The following ATXN7L1 variants were observed in gnomAD, a reference collection of about 807,000 sequenced individuals.
ATXN7L1 encodes the protein ataxin 7 like 1, also known as ataxin-7-like protein 1.
A neutral mutation model predicts 70.8 loss-of-function variants in ATXN7L1; 15 were observed. The ratio of observed to expected loss-of-function variants is 0.21; its 90% CI spans 0.14 to 0.33. The LOEUF is 0.33. Ranked by LOEUF, ATXN7L1 falls within the 10% of genes least tolerant of loss-of-function variation. The probability of loss-of-function intolerance (pLI) is 1.00; values close to 1 mark genes in which losing one functional copy is unlikely to be tolerated. For missense variants in ATXN7L1, 975 were observed against 1,097.1 expected (o/e 0.89, Z 1.57); for synonymous variants, 440 against 445.1 (o/e 0.99, Z 0.14).
intron 3 of ATXN7L1, among the ~76,000 whole-genome samples, chr7:105,775,478 C>T (rs1040203153): frequency 2.9e-4 from 44 of 152,144 alleles, no homozygotes; most frequent in African/African-American, 4.6e-4. Flanking sequence ...AGTAACTCTC[C>T]GTGATCCCAG....
intron 3 of ATXN7L1, among the ~76,000 whole-genome samples, chr7:105,787,065 A>ACCACCAG (rs11281996): frequency 4.0e-5 from 1 of 25,316 alleles, no homozygotes; most frequent in Non-Finnish European, 6.2e-5. Flanking sequence ...TGGTGGTACC[A>ACCACCAG]GCTGACAGTT....
intron 3 of ATXN7L1, among the ~76,000 whole-genome samples, chr7:105,699,026 G>C (rs996198581): frequency 6.6e-6 from 1 of 152,162 alleles, no homozygotes; most frequent in Non-Finnish European, 1.5e-5. Context: ...TCAAGTTAGG[G>C]AGAAGGCAGA....
intron 2 of ATXN7L1, among the ~76,000 whole-genome samples, chr7:105,834,205 G>C (rs1431107993): frequency 6.6e-6 from 1 of 152,116 alleles, no homozygotes; most frequent in African/African-American, 2.4e-5. Flanking sequence ...ACCACGCCTG[G>C]CTAATTTTGT....
chr7:105,638,602 G>A lies in ATXN7L1; in HGVS notation c.953C>T (p.Ser318Leu), dbSNP rs1483099833. 6.4e-7 allele frequency: 1 copy of A among 1,551,280 alleles called. No homozygotes were observed. The highest frequency in any genetic ancestry group is 2.4e-5 in the East Asian group (1 of 40,922). Residue 318 changes from serine to leucine, a missense_variant, in exon 7 of 12, where the codon TCG becomes TTG. Physicochemically the swap from Ser to Leu is moderately radical, Grantham distance 145. Around this residue, in one of 5 missense-constraint regions of ATXN7L1, gnomAD observed 6 missense variants for 24.7 expected, o/e 0.24. Transcript: ENST00000419735. ...CTRSLTCKTH[S>L]LSHRRAVPGR... is the part of the protein sequence containing the mutation. ...TGGGACTGCCCTCCGATGGCTTAGC[G>A]AATGTGTCTAAGGAGAAGAGAAATG...
At chr7:105,749,326 G>A (rs960509008) in intron 3 of ATXN7L1, among the ~76,000 whole-genome samples, 2 of 151,930 alleles carry the variant, frequency 1.3e-5, no homozygotes, top group East Asian at 1.9e-4. Flanking sequence ...AAACAAGAAT[G>A]AGAAAGAAAG....
At chr7:105,807,909 G>C (rs991106342) in intron 2 of ATXN7L1, among the ~76,000 whole-genome samples, 2 of 152,218 alleles carry the variant, frequency 1.3e-5, no homozygotes, top group African/African-American at 2.4e-5. Flanking sequence ...ATCAAGTTTT[G>C]GGGTGGTTTG....
intron 2 of ATXN7L1, among the ~76,000 whole-genome samples, chr7:105,845,976 C>T (rs1340494624): frequency 2.0e-5 from 3 of 152,066 alleles, no homozygotes; most frequent in Non-Finnish European, 4.4e-5. Flanking sequence ...ATCTTGTGAC[C>T]TGAAATTAGA....
At chr7:105,811,292 A>G (rs996179689) in intron 2 of ATXN7L1, among the ~76,000 whole-genome samples, 1 of 152,206 alleles carries the variant, frequency 6.6e-6, no homozygotes, top group Non-Finnish European at 1.5e-5. Context: ...TGACACAGCT[A>G]TAAGACATGG....
At chr7:105,875,710 C>T (rs1342666258) in intron 2 of ATXN7L1, 102 bp downstream of exon 2, 7 of 1,079,456 alleles carry the variant, frequency 6.5e-6, no homozygotes, top group Admixed American at 2.2e-5. Context: ...TTTGACAAGC[C>T]TTAGTCACTC....
intron 2 of ATXN7L1, among the ~76,000 whole-genome samples, chr7:105,857,114 T>C (rs955122329): frequency 8.6e-4 from 131 of 152,172 alleles, no homozygotes; most frequent in African/African-American, 3.1e-3. Flanking sequence ...CCCTGTACAA[T>C]GCCCTGAATG....
chr7:105,638,959 G>A (rs1412039877), intron 6 of ATXN7L1, among the ~76,000 whole-genome samples: 1 of 152,126 alleles, frequency 6.6e-6, no homozygotes, highest in African/African-American at 2.4e-5. Context: ...CAGACAAACA[G>A]AGCCACCAAG....
chr7:105,848,165 A>G (rs1165611144), intron 2 of ATXN7L1, among the ~76,000 whole-genome samples: 1 of 152,272 alleles, frequency 6.6e-6, no homozygotes, highest in Non-Finnish European at 1.5e-5. Context: ...ATTAGTAATC[A>G]TAAGAATGAA....
chr7:105,790,723 C>T (rs867904412), intron 2 of ATXN7L1, among the ~76,000 whole-genome samples: 3 of 151,084 alleles, frequency 2.0e-5, no homozygotes, highest in African/African-American at 7.3e-5. Flanking sequence ...ATCTATCTGA[C>T]AAAAAAAGGT....
intron 3 of ATXN7L1, among the ~76,000 whole-genome samples, chr7:105,778,404 G>A (rs567397401): frequency 7.6e-4 from 115 of 150,686 alleles, no homozygotes; most frequent in Non-Finnish European, 1.3e-3. Flanking sequence ...CCAGCTACTC[G>A]GGAGGCTAAG....
chr7:105,692,964 T>C (rs532401509), intron 3 of ATXN7L1, among the ~76,000 whole-genome samples: 1 of 152,044 alleles, frequency 6.6e-6, no homozygotes, highest in African/African-American at 2.4e-5. Context: ...GCGATCCTCC[T>C]GCTTTGGCCT....
chr7:105,836,914 C>T (rs544505394), intron 2 of ATXN7L1, among the ~76,000 whole-genome samples: 21 of 152,046 alleles, frequency 1.4e-4, no homozygotes, highest in South Asian at 2.1e-4. Context: ...AAAAATTAGC[C>T]GGGTGTGGTG....
At chr7:105,756,952 A>G (rs1307029026) in intron 3 of ATXN7L1, among the ~76,000 whole-genome samples, 7 of 152,188 alleles carry the variant, frequency 4.6e-5, no homozygotes, top group Admixed American at 4.6e-4. Flanking sequence ...ATATGCCTGA[A>G]TTAAATACCT....
At chr7:105,658,693 G>A (rs547013731) in intron 4 of ATXN7L1, among the ~76,000 whole-genome samples, 21 of 151,784 alleles carry the variant, frequency 1.4e-4, no homozygotes, top group Admixed American at 2.6e-4. Flanking sequence ...ACCATGCCTG[G>A]TTATTTTTTT....
intron 2 of ATXN7L1, among the ~76,000 whole-genome samples, chr7:105,824,047 C>T (rs1449476106): frequency 6.6e-6 from 1 of 152,104 alleles, no homozygotes; most frequent in Admixed American, 6.5e-5. Flanking sequence ...AGTGGATGGA[C>T]TGAGGGTGGC....
Sources: allele counts gnomAD v4.1 joint callset (sites outside exome capture counted in the v4.1 genomes callset), GRCh38; gene constraint gnomAD v4.1.1; regional missense constraint gnomAD v4.1.1; transcripts MANE v1.5; gene names NCBI Gene and HGNC (gene_info 2026-07-23, HGNC 2026-07-21).